Variants in EPHA6 observed in about 807,000 individuals in gnomAD.
EPHA6 encodes the protein ephrin type-A receptor 6.
In EPHA6, 50 loss-of-function variants were observed where a neutral mutation model predicts 112.0. The observed-to-expected ratio is 0.45, with a 90% confidence interval of 0.36 to 0.56. EPHA6 has a LOEUF of 0.56. Ranked by LOEUF, EPHA6 falls within the 20% of genes least tolerant of loss-of-function variation. The pLI, the probability that EPHA6 is intolerant of heterozygous loss-of-function variation, is 0.00. For missense variants in EPHA6, 1,280 were observed against 1,417.4 expected (o/e 0.90, Z 1.56); for synonymous variants, 529 against 490.7 (o/e 1.08, Z -1.03).
intron 3 of EPHA6, among the ~76,000 whole-genome samples, chr3:97,131,753 C>T (rs2075629007): frequency 6.6e-6 from 1 of 152,068 alleles, no homozygotes; most frequent in African/African-American, 2.4e-5. Context: ...TAAACATTTT[C>T]ATCTTGCTGT....
At chr3:96,983,395 G>C (rs202106983) in intron 2 of EPHA6, among the ~76,000 whole-genome samples, 1 of 152,116 alleles carries the variant, frequency 6.6e-6, no homozygotes, top group Admixed American at 6.6e-5. Context: ...CTCTCTTCTG[G>C]CTTGTAGAGT....
At chr3:96,914,174 G>T (rs978356550) in intron 2 of EPHA6, among the ~76,000 whole-genome samples, 1 of 152,014 alleles carries the variant, frequency 6.6e-6, no homozygotes, top group Non-Finnish European at 1.5e-5. Context: ...AAGTATAGTT[G>T]CAGACCTGCT....
At chr3:97,636,496 C>G (rs77169402) in intron 13 of EPHA6, among the ~76,000 whole-genome samples, 5,381 of 152,048 alleles carry the variant, frequency 0.035, 335 homozygotes, top group African/African-American at 0.12. Context: ...TATTCTTGCT[C>G]TAAGAGTGTT....
intron 15 of EPHA6, among the ~76,000 whole-genome samples, chr3:97,732,834 A>C (rs2035096238): frequency 6.6e-6 from 1 of 151,732 alleles, no homozygotes; most frequent in East Asian, 1.9e-4. Context: ...TATCACTGTC[A>C]CTCTTGCTGT....
At chr3:97,287,657 T>C (rs559359504) in intron 5 of EPHA6, among the ~76,000 whole-genome samples, 1 of 152,336 alleles carries the variant, frequency 6.6e-6, no homozygotes, top group African/African-American at 2.4e-5. Context: ...TGTTTCTATC[T>C]ATTGTGATGA....
At chr3:96,970,459 A>G (rs2042275082) in intron 2 of EPHA6, among the ~76,000 whole-genome samples, 1 of 152,054 alleles carries the variant, frequency 6.6e-6, no homozygotes, top group African/African-American at 2.4e-5. Context: ...TTAAAATGCT[A>G]TGGCTAGGTT....
At chr3:97,026,537 TTGTC>T (rs1358351562) in intron 3 of EPHA6, among the ~76,000 whole-genome samples, 3 of 152,104 alleles carry the variant, frequency 2.0e-5, no homozygotes, top group African/African-American at 2.4e-5. Context: ...GAGTGGCAAA[TTGTC>T]TGTGACTTGG....
chr3:97,246,420 TA>T (rs2078988620), intron 5 of EPHA6, among the ~76,000 whole-genome samples: 2 of 151,826 alleles, frequency 1.3e-5, no homozygotes, highest in South Asian at 4.1e-4. Context: ...GGATAAAATA[TA>T]AGTTGTTTTT....
chr3:97,075,551 A>T (rs964722415), intron 3 of EPHA6, among the ~76,000 whole-genome samples: 3 of 152,076 alleles, frequency 2.0e-5, no homozygotes, highest in Admixed American at 1.3e-4. Context: ...ATGTATCATT[A>T]TGAGAAACAT....
chr3:97,139,921 G>T (rs1229548204), intron 3 of EPHA6, among the ~76,000 whole-genome samples: 1 of 151,592 alleles, frequency 6.6e-6, no homozygotes, highest in African/African-American at 2.4e-5. Context: ...AAAGAAATAA[G>T]AAAAATTTCC....
chr3:97,312,051 C>T lies in EPHA6; in HGVS notation c.1606+67764C>T, dbSNP rs542389853. On this transcript the variant is annotated intron_variant, in intron 5 of 17. Coordinates refer to ENST00000389672, the MANE Select transcript of EPHA6 (RefSeq NM_001080448.3). The stretch of plus-strand genomic sequence containing the variant: ...AGATCTCACTCATTTTTATTTGTTT[C>T]TACCTAATGATTCCATTATTTCATT... Among the ~76,000 whole-genome samples, 26 of 151,584 alleles carry T rather than the reference C, an allele frequency of 1.7e-4. 1 individual carries two copies. The South Asian group carries it at 4.4e-3, about 25-fold the overall frequency.
intron 1 of EPHA6, among the ~76,000 whole-genome samples, chr3:96,862,082 T>C (rs2036039430): frequency 6.6e-6 from 1 of 151,980 alleles, no homozygotes; most frequent in African/African-American, 2.4e-5. Flanking sequence ...AATCTAAATG[T>C]CAGTTTAAAG....
intron 12 of EPHA6, among the ~76,000 whole-genome samples, chr3:97,610,414 C>G (rs936248831): frequency 1.3e-5 from 2 of 151,598 alleles, no homozygotes; most frequent in East Asian, 3.9e-4. Flanking sequence ...AGAAGTTGTA[C>G]CACAACTGCA....
At chr3:97,516,527 T>C (rs978737030) in intron 10 of EPHA6, among the ~76,000 whole-genome samples, 1 of 152,164 alleles carries the variant, frequency 6.6e-6, no homozygotes, top group Non-Finnish European at 1.5e-5. Flanking sequence ...ATTTCATCCT[T>C]GAATGACAAG....
chr3:97,191,138 C>T (rs2077294820), intron 3 of EPHA6, among the ~76,000 whole-genome samples: 1 of 152,052 alleles, frequency 6.6e-6, no homozygotes, highest in South Asian at 2.1e-4. Flanking sequence ...GCAGTCCAAA[C>T]TGAGACAAAT....
chr3:97,610,202 A>G (rs2093708452), intron 12 of EPHA6, among the ~76,000 whole-genome samples: 2 of 151,670 alleles, frequency 1.3e-5, no homozygotes. Flanking sequence ...AGACATAATC[A>G]GGAACTATTA....
intron 2 of EPHA6, among the ~76,000 whole-genome samples, chr3:96,920,919 A>C (rs1476397259): frequency 6.6e-6 from 1 of 152,040 alleles, no homozygotes; most frequent in Non-Finnish European, 1.5e-5. Flanking sequence ...AAGGGGAACA[A>C]AATTTTATTT....
chr3:97,397,754 G>A (rs537100032), intron 5 of EPHA6, among the ~76,000 whole-genome samples: 2 of 151,512 alleles, frequency 1.3e-5, no homozygotes, highest in African/African-American at 2.4e-5. Flanking sequence ...TTAGAGGAAT[G>A]ATTTCATTAA....
chr3:96,988,010 T>A lies in EPHA6; in HGVS notation c.1114+17T>A, dbSNP rs575626422. On this transcript the variant is annotated intron_variant, in intron 3 of 17. Transcript: ENST00000389672. Reference sequence around the variant, plus strand: ...CTTGCCATGGTAAGAAACAAACATTTAAATAATTTATCTTGCATTTAAATG... The same window carrying A: ...CTTGCCATGGTAAGAAACAAACATTAAAATAATTTATCTTGCATTTAAATG... 35 of 1,523,056 alleles carry A rather than the reference T, an allele frequency of 2.3e-5. No individual in the cohort carries two copies. In the South Asian group the frequency reaches 3.8e-4, roughly 17 times the overall value. 94.3% of individuals were successfully genotyped at this position (1,523,056 alleles called of 1,614,324 possible).
Sources: gnomAD v4.1 joint callset for allele counts (sites outside exome capture counted in the v4.1 genomes callset) on GRCh38, gnomAD v4.1.1 for gene constraint, MANE v1.5 for transcripts, NCBI Gene and HGNC (gene_info 2026-07-23, HGNC 2026-07-21) for gene names.